The following THADA variants were observed in gnomAD, a reference collection of about 807,000 sequenced individuals.
THADA encodes the protein THADA armadillo repeat containing.
THADA carries 213 observed loss-of-function variants against 219.8 expected under a neutral mutation model. The observed-to-expected ratio is 0.97, with a 90% CI of 0.87 to 1.09. THADA has a LOEUF of 1.09. THADA is among the 50% of genes least tolerant of loss of function. THADA has a pLI of 0.00. For missense variants in THADA, 2,956 were observed against 2,311.3 expected (o/e 1.28, Z -5.72); for synonymous variants, 1,018 against 828.9 (o/e 1.23, Z -3.92).
At chr2:43,480,819 G>C (rs76734241) in intron 26 of THADA, among the ~76,000 whole-genome samples, 3 of 147,126 alleles carry the variant, frequency 2.0e-5, no homozygotes, top group Non-Finnish European at 3.0e-5. Flanking sequence ...CTCTGTCTTG[G>C]GGGGGAAAAA....
At chr2:43,273,256 A>G (rs949021009) in intron 36 of THADA, among the ~76,000 whole-genome samples, 3 of 149,874 alleles carry the variant, frequency 2.0e-5, no homozygotes, top group Non-Finnish European at 3.0e-5. Flanking sequence ...CTGTCTCAAC[A>G]ACAACAACAA....
At chr2:43,569,178 T>C (rs1401847699) in intron 14 of THADA, among the ~76,000 whole-genome samples, 1 of 152,122 alleles carries the variant, frequency 6.6e-6, no homozygotes, top group Non-Finnish European at 1.5e-5. Context: ...GGTCTTGCTA[T>C]GTTGCCCAGG....
In THADA at chr2:43,340,846, T is replaced by C. The variant is rs575316685; in HGVS notation, c.4343+3276A>G. Among the ~76,000 whole-genome samples the C allele has an allele frequency of 7.0e-4, 106 of 152,264 alleles. 1 individual carries two copies. The highest frequency in any genetic ancestry group is 5.6e-3 in the Admixed American group (86 of 15,300). ...GGGGTCTGTTCTGAGAAGGGACCGC[T>C]AGGACGAGAGGGGGTGTGTCTGAGC... is the stretch of plus-strand genomic sequence containing the variant. On this transcript the variant is annotated intron_variant, in intron 30 of 37. Coordinates refer to ENST00000405975, the MANE Select transcript of THADA (RefSeq NM_022065.5).
In THADA at chr2:43,477,231, A is replaced by G. The variant is rs543284451; in HGVS notation, c.3836+8003T>C. ...ACTGTTGGATGGAAAAAAAATGGCA[A>G]TATATGTTCTTTGAGAGAGAGAGAG... On this transcript the variant is annotated intron_variant, in intron 26 of 37. Coordinates refer to ENST00000405975, the MANE Select transcript of THADA (RefSeq NM_022065.5). Among the ~76,000 whole-genome samples the G allele has an allele frequency of 3.3e-5, 5 of 152,172 alleles. No individual in the cohort carries two copies. In the South Asian group the frequency reaches 1.0e-3, roughly 32 times the overall value.
chr2:43,590,527 T>A (rs1381363416), intron 4 of THADA, among the ~76,000 whole-genome samples: 1 of 151,428 alleles, frequency 6.6e-6, no homozygotes, highest in African/African-American at 2.4e-5. Context: ...ACACAAAAAA[T>A]TAGCCGGGTG....
intron 26 of THADA, among the ~76,000 whole-genome samples, chr2:43,437,301 C>T (rs527462251): frequency 2.0e-5 from 3 of 152,308 alleles, no homozygotes; most frequent in East Asian, 3.9e-4. Flanking sequence ...CTAATACATT[C>T]TGCTGTACCT....
Position 43,279,807 on chromosome 2 carries a change from C to T in THADA, c.5254G>A (p.Val1752Met), listed in dbSNP as rs183860704. The T allele has an allele frequency of 7.9e-5, 123 of 1,554,520 alleles. No homozygotes were observed. Among genetic ancestry groups the T allele is most frequent in the Middle Eastern group, 1.7e-4 (1 of 6,018 alleles). ...TTTTCTTGTGACATGGCAGTTGTCA[C>T]GGTTTCCGTGGCTGCATCTCTAACA... is the stretch of plus-strand genomic sequence containing the variant. ...QAVRDAATET[V>M]TTAMSQENTC... is the part of the protein sequence containing the mutation. Residue 1752 changes from valine to methionine, a missense_variant, in exon 36 of 38, where the codon GTG becomes ATG. Coordinates refer to ENST00000405975, the MANE Select transcript of THADA (RefSeq NM_022065.5).
chr2:43,515,151 T>A lies in THADA; in HGVS notation c.3375-6371A>T, dbSNP rs1252606249. Among the ~76,000 whole-genome samples, 18 of 6,126 alleles carry A rather than the reference T, an allele frequency of 2.9e-3. 3 individuals carry two copies. The highest frequency in any genetic ancestry group is 5.8e-3 in the African/African-American group (7 of 1,208). 4.0% of individuals were successfully genotyped at this position (6,126 alleles called of 152,430 possible). On this transcript the variant is annotated intron_variant, in intron 22 of 37. Transcript: ENST00000405975. The stretch of plus-strand genomic sequence containing the variant: ...TTTATATATAATATATAATATATTT[T>A]ATATATTATATATAATATATTATAT...
intron 27 of THADA, among the ~76,000 whole-genome samples, chr2:43,429,245 T>C (rs1678916149): frequency 6.6e-6 from 1 of 152,048 alleles, no homozygotes; most frequent in Non-Finnish European, 1.5e-5. Context: ...GTAGCTGGGA[T>C]CACAGGTGCG....
rs1273066263 is a variant in THADA at position 43,400,474 on chromosome 2, TATAA to T, written c.4059-2339_4059-2336del. ...AGACAAATTTATATATATATATATA[TATAA>T]ATATATACACTAAGAAAAAAAATTT... On this transcript the variant is annotated intron_variant, in intron 28 of 37. Transcript: ENST00000405975. Among the ~76,000 whole-genome samples the T allele has an allele frequency of 2.4e-4, 34 of 144,562 alleles. 1 individual carries two copies. Among genetic ancestry groups the T allele is most frequent in the South Asian group, 4.3e-4 (2 of 4,608 alleles). 94.8% of individuals were successfully genotyped at this position (144,562 alleles called of 152,430 possible). A position where few individuals can be genotyped will look rare whatever the true frequency, so the allele number is the denominator to read the frequency against.
At chr2:43,303,400 T>C (rs536142620) in intron 31 of THADA, among the ~76,000 whole-genome samples, 18 of 152,194 alleles carry the variant, frequency 1.2e-4, no homozygotes, top group African/African-American at 4.1e-4. Flanking sequence ...GAAAGAGGAT[T>C]TAACAGTAGC....
At chr2:43,530,884 T>G (rs2103747671) in intron 21 of THADA, among the ~76,000 whole-genome samples, 1 of 152,326 alleles carries the variant, frequency 6.6e-6, no homozygotes, top group East Asian at 1.9e-4. Context: ...GAAAACAGAT[T>G]GATGTTCTAA....
At chr2:43,261,938 T>G (rs901544901) in intron 36 of THADA, among the ~76,000 whole-genome samples, 62 of 151,662 alleles carry the variant, frequency 4.1e-4, no homozygotes, top group African/African-American at 1.5e-3. Context: ...CGCCTGGCAA[T>G]TTTTTGTATT....
chr2:43,273,273 A>C lies in THADA; in HGVS notation c.5296+6492T>G, dbSNP rs535220282. ...GTCTCAACAACAACAACAACAACAA[A>C]AAAAAAAAAAAGAAGAAAAAGAAAT... On this transcript the variant is annotated intron_variant, in intron 36 of 37. Transcript: ENST00000405975. Among the ~76,000 whole-genome samples, 262 of 151,010 alleles carry C rather than the reference A, an allele frequency of 1.7e-3. 1 individual carries two copies. The highest frequency in any genetic ancestry group is 6.9e-3 in the Middle Eastern group (2 of 290).
In THADA at chr2:43,514,061, TAA is replaced by T. The variant is rs959815356; in HGVS notation, c.3375-5283_3375-5282del. 2.5e-3 allele frequency among the ~76,000 whole-genome samples: 339 copies of T among 135,700 alleles called. 2 individuals carry two copies. The highest frequency in any genetic ancestry group is 0.011 in the Middle Eastern group (3 of 274). The allele number at this position is 135,700 out of a possible 152,430, so 89.0% of individuals were successfully genotyped here. A position where few individuals can be genotyped will look rare whatever the true frequency, so the allele number is the denominator to read the frequency against. Reference sequence around the variant, plus strand: ...GATGACACAGTGAGACACTGTCCCTTAAAAAAAAAAAAAATAAAGAACAAGAA... The same window carrying T: ...GATGACACAGTGAGACACTGTCCCTTAAAAAAAAAAAATAAAGAACAAGAA... On this transcript the variant is annotated intron_variant, in intron 22 of 37. Transcript: ENST00000405975.
intron 28 of THADA, among the ~76,000 whole-genome samples, chr2:43,421,504 G>A (rs184785635): frequency 2.3e-4 from 35 of 152,262 alleles, no homozygotes; most frequent in Admixed American, 2.2e-3. Flanking sequence ...AAGGCTTGGA[G>A]ACCCCTGTAC....
At chr2:43,308,644 T>C (rs183765796) in intron 31 of THADA, among the ~76,000 whole-genome samples, 188 of 151,826 alleles carry the variant, frequency 1.2e-3, no homozygotes, top group African/African-American at 4.4e-3. Flanking sequence ...TCAGGCTGCA[T>C]TGAGCCATGA....
At chr2:43,235,709 G>A (rs1357421489) in intron 36 of THADA, among the ~76,000 whole-genome samples, 1 of 152,134 alleles carries the variant, frequency 6.6e-6, no homozygotes. Flanking sequence ...CATTCCTGTT[G>A]AGTCCATAAA....
chr2:43,571,757 T>A lies in THADA; in HGVS notation c.2014A>T (p.Asn672Tyr), dbSNP rs1699329429. 1 of 1,613,954 alleles carries A rather than the reference T, an allele frequency of 6.2e-7. No individual in the cohort carries two copies. Among genetic ancestry groups the A allele is most frequent in the African/African-American group, 1.3e-5 (1 of 75,042 alleles). The change falls in exon 13 of 38, where the codon AAC becomes TAC. Residue 672 changes from asparagine to tyrosine, a missense_variant. By Grantham distance (143) the Asn-to-Tyr change is moderately radical. Coordinates refer to ENST00000405975, the MANE Select transcript of THADA (RefSeq NM_022065.5). ...WIQFFITYNL[N>Y]SQSPGVRQQI... ...TGCCGCACTCCTGGAGACTGGCTGT[T>A]AAGATTGTATGTAATAAAGAACTGA...
Sources: allele counts gnomAD v4.1 joint callset (sites outside exome capture counted in the v4.1 genomes callset), GRCh38; gene constraint gnomAD v4.1.1; transcripts MANE v1.5; gene names NCBI Gene and HGNC (gene_info 2026-07-23, HGNC 2026-07-21).